ENTREP2: variants seen among roughly 807,000 people sequenced by gnomAD.
The protein encoded by ENTREP2 is endosomal transmembrane epsin interactor 2.
the ENTREP2 span, among the ~76,000 whole-genome samples, chr15:29,655,218 G>C: frequency 1.3e-5 from 2 of 152,138 alleles, no homozygotes; most frequent in African/African-American, 4.8e-5. Context: ...TTGAGACACA[G>C]GACCACAGGA....
chr15:29,367,404 T>C, the ENTREP2 span, among the ~76,000 whole-genome samples: 1 of 152,220 alleles, frequency 6.6e-6, no homozygotes, highest in Non-Finnish European at 1.5e-5. Context: ...GCTCACCCAG[T>C]GTGAACAGTC....
chr15:29,334,462 T>C, the ENTREP2 span, among the ~76,000 whole-genome samples: 3 of 152,212 alleles, frequency 2.0e-5, no homozygotes, highest in East Asian at 5.8e-4. Context: ...TCGCAATCAA[T>C]TCTGAAAGGC....
At chr15:29,191,967 A>G in the ENTREP2 span, among the ~76,000 whole-genome samples, 58,813 of 151,986 alleles carry the variant, frequency 0.39, 11,620 homozygotes, top group East Asian at 0.55. Flanking sequence ...AGGGTGCAGG[A>G]CGCTCTGTTC....
the ENTREP2 span, among the ~76,000 whole-genome samples, chr15:29,661,566 T>C: frequency 6.6e-6 from 1 of 152,180 alleles, no homozygotes; most frequent in Non-Finnish European, 1.5e-5. Context: ...CTGGCTAATT[T>C]ATCTGAGATT....
chr15:29,365,508 T>C, the ENTREP2 span, among the ~76,000 whole-genome samples: 1 of 152,060 alleles, frequency 6.6e-6, no homozygotes, highest in South Asian at 2.1e-4. Context: ...CTGCCTCGGC[T>C]CCCAAAGTGC....
chr15:29,384,764 C>T, the ENTREP2 span, among the ~76,000 whole-genome samples: 5 of 152,090 alleles, frequency 3.3e-5, no homozygotes, highest in Admixed American at 6.5e-5. Context: ...CCAGCCCTCC[C>T]GGCCCCAGCC....
the ENTREP2 span, among the ~76,000 whole-genome samples, chr15:29,162,598 A>G: frequency 6.6e-6 from 1 of 152,082 alleles, no homozygotes; most frequent in African/African-American, 2.4e-5. Context: ...CCTCCTAGGT[A>G]CATAACTCCA....
chr15:29,539,873 C>G, the ENTREP2 span, among the ~76,000 whole-genome samples: 2 of 152,084 alleles, frequency 1.3e-5, no homozygotes, highest in African/African-American at 4.8e-5. Flanking sequence ...CAAGCCAAGC[C>G]CTGGCGAGCC....
At chr15:29,376,061 G>A in the ENTREP2 span, 18 of 152,000 alleles carry the variant, frequency 1.2e-4, no homozygotes, top group African/African-American at 3.9e-4. Context: ...CCATAGATTA[G>A]TGCTTCTTAA....
At chr15:29,666,220 G>T in the ENTREP2 span, among the ~76,000 whole-genome samples, 8 of 151,970 alleles carry the variant, frequency 5.3e-5, no homozygotes, top group Non-Finnish European at 1.2e-4. Flanking sequence ...CGTTTCAAAG[G>T]TAACATGCCC....
the ENTREP2 span, among the ~76,000 whole-genome samples, chr15:29,254,444 C>T: frequency 6.6e-6 from 1 of 152,116 alleles, no homozygotes; most frequent in African/African-American, 2.4e-5. Flanking sequence ...TTTCAGCATT[C>T]CTGATTGCTT....
the ENTREP2 span, among the ~76,000 whole-genome samples, chr15:29,317,919 G>A: frequency 1.2e-4 from 18 of 152,302 alleles, no homozygotes; most frequent in African/African-American, 4.1e-4. Flanking sequence ...AGCTCTCAAG[G>A]TGAGATGAGG....
At chr15:29,260,397 G>A in the ENTREP2 span, among the ~76,000 whole-genome samples, 1 of 152,126 alleles carries the variant, frequency 6.6e-6, no homozygotes, top group African/African-American at 2.4e-5. Flanking sequence ...TTAAAAATCA[G>A]TAACAGAAAG....
the ENTREP2 span, among the ~76,000 whole-genome samples, chr15:29,529,719 A>G: frequency 4.6e-5 from 7 of 152,174 alleles, no homozygotes; most frequent in Admixed American, 2.6e-4. Flanking sequence ...CTTGTCTCAC[A>G]GAGAATGACA....
chr15:29,234,567 G>A, the ENTREP2 span: 723 of 1,440,220 alleles, frequency 5.0e-4, 3 homozygotes, highest in Admixed American at 2.3e-4. Flanking sequence ...GCAGCACGTC[G>A]ACAGCTAATT....
the ENTREP2 span, among the ~76,000 whole-genome samples, chr15:29,513,080 ACT>A: frequency 1.3e-5 from 2 of 152,124 alleles, no homozygotes; most frequent in Admixed American, 6.5e-5. Flanking sequence ...TTCTTTAAAC[ACT>A]CTTTTTGTGT....
At chr15:29,500,766 GAAC>G in the ENTREP2 span, among the ~76,000 whole-genome samples, 1 of 151,814 alleles carries the variant, frequency 6.6e-6, no homozygotes, top group Non-Finnish European at 1.5e-5. Context: ...GCCAAACAGA[GAAC>G]AGAAAAACAA....
chr15:29,518,138 G>A, the ENTREP2 span, among the ~76,000 whole-genome samples: 1 of 152,072 alleles, frequency 6.6e-6, no homozygotes, highest in East Asian at 1.9e-4. Context: ...CCCAGGAGTT[G>A]GAGGCTACAG....
chr15:29,269,148 G>T, the ENTREP2 span: 1 of 1,614,156 alleles, frequency 6.2e-7, no homozygotes, highest in Non-Finnish European at 8.5e-7. Context: ...CCTTCATAAA[G>T]ATGAGCCCTA....
Sources: allele counts gnomAD v4.1 joint callset (sites outside exome capture counted in the v4.1 genomes callset), GRCh38; gene constraint gnomAD v4.1.1; transcripts MANE v1.5; gene names NCBI Gene and HGNC (gene_info 2026-07-23, HGNC 2026-07-21).